The following SLC16A10 variants were observed in gnomAD, a reference collection of about 807,000 sequenced individuals.
SLC16A10 encodes monocarboxylate transporter 10.
SLC16A10 carries 27 observed loss-of-function variants against 40.0 expected under a neutral mutation model. The ratio of observed to expected loss-of-function variants is 0.67; its 90% confidence interval spans 0.50 to 0.93. The LOEUF (loss-of-function observed/expected upper bound fraction) is 0.93, where lower values mean the gene tolerates loss of function less well. Ranked by LOEUF, SLC16A10 falls within the 40% of genes least tolerant of loss-of-function variation. The pLI is 0.00. For missense variants in SLC16A10, 529 were observed against 658.2 expected (o/e 0.80, Z 2.15); for synonymous variants, 213 against 249.8 (o/e 0.85, Z 1.39).
chr6:111,116,970 T>C (rs1414431630), intron 1 of SLC16A10, among the ~76,000 whole-genome samples: 1 of 152,158 alleles, frequency 6.6e-6, no homozygotes, highest in Non-Finnish European at 1.5e-5. Flanking sequence ...AGTACATGTA[T>C]TGATTATTTA....
intron 3 of SLC16A10, among the ~76,000 whole-genome samples, chr6:111,181,778 G>A (rs2114553617): frequency 6.6e-6 from 1 of 152,264 alleles, no homozygotes. Flanking sequence ...GAATTAGATT[G>A]CCTCCTCGAA....
intron 1 of SLC16A10, among the ~76,000 whole-genome samples, chr6:111,163,292 A>G (rs1583337127): frequency 6.7e-6 from 1 of 149,628 alleles, no homozygotes; most frequent in East Asian, 2.0e-4. Context: ...AGCTGGGACT[A>G]CAGGCGCCCG....
intron 3 of SLC16A10, among the ~76,000 whole-genome samples, chr6:111,193,053 A>C (rs143329104): frequency 6.6e-6 from 1 of 152,030 alleles, no homozygotes; most frequent in Non-Finnish European, 1.5e-5. Flanking sequence ...AAGTCTCACT[A>C]TGTTGCCTAG....
intron 1 of SLC16A10, among the ~76,000 whole-genome samples, chr6:111,107,611 G>A (rs1440741166): frequency 6.6e-6 from 1 of 152,142 alleles, no homozygotes; most frequent in Non-Finnish European, 1.5e-5. Context: ...TAAACAAGTG[G>A]GATTGAGATC....
chr6:111,130,511 GT>G (rs1771761638), intron 1 of SLC16A10, among the ~76,000 whole-genome samples: 4 of 152,104 alleles, frequency 2.6e-5, no homozygotes, highest in Non-Finnish European at 5.9e-5. Context: ...GAGCACTGTT[GT>G]ACTCTCAGCA....
In SLC16A10 at chr6:111,101,190, G is replaced by A. The variant is rs548903274; in HGVS notation, c.343+13095G>A. Reference sequence around the variant, plus strand: ...GGACTACAGGGGCATGCCGCTACACGTAACTAATTTTTGTATTTTTTTGTA... The same window carrying A: ...GGACTACAGGGGCATGCCGCTACACATAACTAATTTTTGTATTTTTTTGTA... On this transcript the variant is annotated intron_variant, in intron 1 of 5. Coordinates refer to ENST00000368851, the MANE Select transcript of SLC16A10 (RefSeq NM_018593.5). Among the ~76,000 whole-genome samples, 214 of 151,374 alleles carry A rather than the reference G, an allele frequency of 1.4e-3. 1 individual carries two copies. The highest frequency in any genetic ancestry group is 4.8e-3 in the African/African-American group (200 of 41,270).
intron 1 of SLC16A10, among the ~76,000 whole-genome samples, chr6:111,170,540 C>G (rs1347024135): frequency 6.6e-6 from 1 of 152,156 alleles, no homozygotes; most frequent in East Asian, 1.9e-4. Flanking sequence ...ACCACCATCT[C>G]CCGGGTTCAA....
chr6:111,193,181 ACACC>A, intron 3 of SLC16A10: 1 of 446,466 alleles, frequency 2.2e-6, no homozygotes, highest in Non-Finnish European at 3.0e-6. Context: ...AATGATTAAG[ACACC>A]TTCTCTCCTT....
intron 1 of SLC16A10, among the ~76,000 whole-genome samples, chr6:111,121,466 CAGG>C (rs1771582506): frequency 6.6e-6 from 1 of 152,192 alleles, no homozygotes; most frequent in South Asian, 2.1e-4. Flanking sequence ...GAGGCTGAGG[CAGG>C]AGGATCACCT....
In SLC16A10 at chr6:111,230,460, A is replaced by G. The variant is rs1235350915; in HGVS notation, c.*8225A>G. On this transcript the variant is annotated 3_prime_UTR_variant, in exon 6 of 6. Coordinates refer to ENST00000368851, the MANE Select transcript of SLC16A10 (RefSeq NM_018593.5). The stretch of plus-strand genomic sequence containing the variant: ...TGGTAACTAATGATAACACTTTTCT[A>G]CGTTAACATGAGTTATATTTGGCAG... 1 of 152,234 alleles carries G rather than the reference A, an allele frequency of 6.6e-6. No individual in the cohort carries two copies. The highest frequency in any genetic ancestry group is 1.9e-4 in the East Asian group (1 of 5,200). The allele number at this position is 152,234 out of a possible 1,614,324, so 9.4% of individuals were successfully genotyped here.
intron 1 of SLC16A10, among the ~76,000 whole-genome samples, chr6:111,154,191 A>G (rs1265646302): frequency 6.6e-6 from 1 of 152,254 alleles, no homozygotes; most frequent in Non-Finnish European, 1.5e-5. Flanking sequence ...ACTATAGGCC[A>G]TTAATCCTGT....
rs529579893 is a variant in SLC16A10, at chr6:111,119,246, A to T, written c.343+31151A>T. ...GGTGAGTCAGTCAGACCATATAGAG[A>T]TGCTTCATTTTAATCCTCTGTAGCA... On this transcript the variant is annotated intron_variant, in intron 1 of 5. Coordinates refer to ENST00000368851, the MANE Select transcript of SLC16A10 (RefSeq NM_018593.5). 2.9e-4 allele frequency among the ~76,000 whole-genome samples: 44 copies of T among 152,278 alleles called. No individual in the cohort carries two copies. In the South Asian group the frequency reaches 9.1e-3, roughly 32 times the overall value.
chr6:111,171,992 G>A (rs1289446786), intron 1 of SLC16A10, among the ~76,000 whole-genome samples: 1 of 152,030 alleles, frequency 6.6e-6, no homozygotes, highest in East Asian at 1.9e-4. Context: ...GAGCTTCAGG[G>A]TCATCTACCA....
chr6:111,194,192 C>G (rs553359367), intron 3 of SLC16A10, among the ~76,000 whole-genome samples: 1 of 152,300 alleles, frequency 6.6e-6, no homozygotes, highest in South Asian at 2.1e-4. Flanking sequence ...CTCATGACTA[C>G]TTTACTTTCT....
intron 1 of SLC16A10, among the ~76,000 whole-genome samples, chr6:111,166,179 A>G (rs753224161): frequency 6.3e-4 from 96 of 152,178 alleles, no homozygotes; most frequent in Non-Finnish European, 2.2e-4. Flanking sequence ...ACAGAAGAAT[A>G]AACAGTGATT....
chr6:111,093,227 T>C (rs1380556629), intron 1 of SLC16A10, among the ~76,000 whole-genome samples: 2 of 152,136 alleles, frequency 1.3e-5, no homozygotes, highest in African/African-American at 2.4e-5. Context: ...AAAAAAAGTG[T>C]AAATCAAAAC....
chr6:111,206,911 C>T (rs1399226405), intron 4 of SLC16A10, among the ~76,000 whole-genome samples, 176 bp downstream of exon 4: 1 of 152,156 alleles, frequency 6.6e-6, no homozygotes, highest in South Asian at 2.1e-4. Context: ...TCTCTGCAAC[C>T]TCCACCTCCC....
At chr6:111,123,691 G>T (rs1252746425) in intron 1 of SLC16A10, among the ~76,000 whole-genome samples, 1 of 152,190 alleles carries the variant, frequency 6.6e-6, no homozygotes, top group Non-Finnish European at 1.5e-5. Context: ...GGCAATAGGA[G>T]CCTGAATCTG....
At chr6:111,119,274 A>T (rs1306284640) in intron 1 of SLC16A10, among the ~76,000 whole-genome samples, 2 of 152,220 alleles carry the variant, frequency 1.3e-5, no homozygotes, top group Non-Finnish European at 2.9e-5. Context: ...CTGTAGCAAG[A>T]ATTGGCAAAA....
Sources: gnomAD v4.1 joint callset for allele counts (sites outside exome capture counted in the v4.1 genomes callset) on GRCh38, gnomAD v4.1.1 for gene constraint, MANE v1.5 for transcripts, NCBI Gene and HGNC (gene_info 2026-07-23, HGNC 2026-07-21) for gene names.